LRP1B: variants seen among roughly 807,000 people sequenced by gnomAD.
LRP1B encodes the protein low-density lipoprotein receptor-related protein 1B.
Under a neutral mutation model 556.6 loss-of-function variants are expected in LRP1B, and 217 were observed. The ratio of observed to expected loss-of-function variants is 0.39; its 90% confidence interval spans 0.35 to 0.44. LRP1B has a LOEUF of 0.44. Ranked by LOEUF, LRP1B falls within the 20% of genes least tolerant of loss-of-function variation. The pLI is 1.00. For missense variants in LRP1B, 5,053 were observed against 5,620.8 expected (o/e 0.90, Z 3.23); for synonymous variants, 2,047 against 1,865.8 (o/e 1.10, Z -2.50).
intron 43 of LRP1B, among the ~76,000 whole-genome samples, chr2:140,573,075 C>CTATATATA (rs1681390357): frequency 6.6e-6 from 1 of 151,696 alleles, no homozygotes; most frequent in Non-Finnish European, 1.5e-5. Context: ...TTCTAGTGTT[C>CTATATATA]TATAGCACTG....
intron 1 of LRP1B, among the ~76,000 whole-genome samples, chr2:142,052,601 T>TC (rs1415004771): frequency 6.6e-6 from 1 of 152,090 alleles, no homozygotes; most frequent in East Asian, 1.9e-4. Context: ...GAAAAGTTCC[T>TC]CCCCCTCACG....
chr2:142,022,954 C>T (rs11899901), intron 1 of LRP1B, among the ~76,000 whole-genome samples: 2,581 of 152,234 alleles, frequency 0.017, 75 homozygotes, highest in African/African-American at 0.058. Flanking sequence ...GGATTACAGG[C>T]GTGAGCCAAC....
At chr2:141,879,380 C>T (rs979798724) in intron 1 of LRP1B, among the ~76,000 whole-genome samples, 3 of 151,958 alleles carry the variant, frequency 2.0e-5, no homozygotes, top group East Asian at 1.9e-4. Context: ...AAAACAAATG[C>T]ACTAGGAAAA....
At position 140,655,950 on chromosome 2, in the gene LRP1B, A is replaced by AT. The variant is rs1684866779; in HGVS notation, c.6799+44299_6799+44300insA. Among the ~76,000 whole-genome samples the AT allele has an allele frequency of 3.3e-5, 5 of 152,232 alleles. No individual in the cohort carries two copies. In the South Asian group the frequency reaches 1.0e-3, roughly 32 times the overall value. On this transcript the variant is annotated intron_variant, in intron 41 of 90. Coordinates refer to ENST00000389484, the MANE Select transcript of LRP1B (RefSeq NM_018557.3). ...AGGGTGAGACTCCGTCTCAAAAAAA[A>AT]CAAAAAAAGAATAGGCAGAGTATAC...
intron 70 of LRP1B, 37 bp downstream of exon 70, chr2:140,371,142 T>C (rs1258798885): frequency 1.1e-5 from 14 of 1,324,696 alleles, no homozygotes; most frequent in African/African-American, 1.5e-5. Flanking sequence ...ACCTAATTCA[T>C]GTAATTCAAA....
chr2:141,107,934 A>G (rs1242675763), intron 7 of LRP1B, among the ~76,000 whole-genome samples: 1 of 152,166 alleles, frequency 6.6e-6, no homozygotes, highest in Admixed American at 6.5e-5. Flanking sequence ...CACATTTTTA[A>G]TACACAGTTG....
At chr2:140,667,768 T>C (rs145199143) in intron 41 of LRP1B, among the ~76,000 whole-genome samples, 1,996 of 152,350 alleles carry the variant, frequency 0.013, 40 homozygotes, top group Middle Eastern at 0.065. Flanking sequence ...TCTCAGAATA[T>C]ACGCTTTTTT....
intron 9 of LRP1B, among the ~76,000 whole-genome samples, chr2:141,058,234 A>C (rs1406948531): frequency 2.0e-5 from 3 of 151,892 alleles, no homozygotes; most frequent in Non-Finnish European, 4.4e-5. Flanking sequence ...GTGATTAGAT[A>C]TATGTTAATG....
chr2:141,598,316 C>T (rs369469217), intron 2 of LRP1B, among the ~76,000 whole-genome samples: 2 of 151,824 alleles, frequency 1.3e-5, no homozygotes, highest in East Asian at 3.9e-4. Context: ...GTCTAAAAAG[C>T]TATAAAACCA....
At chr2:141,510,895 CA>C (rs1284964549) in intron 2 of LRP1B, among the ~76,000 whole-genome samples, 9 of 30,478 alleles carry the variant, frequency 3.0e-4, no homozygotes, top group African/African-American at 7.2e-4. Flanking sequence ...CACACACACA[CA>C]CACACACACA....
intron 2 of LRP1B, among the ~76,000 whole-genome samples, chr2:141,760,126 A>G (rs1305502701): frequency 6.7e-6 from 1 of 148,798 alleles, no homozygotes. Flanking sequence ...TACTTTTCAG[A>G]ATTGTTTCAA....
rs1682865982 is a variant in LRP1B at position 140,606,287 on chromosome 2, TA to T, written c.6800-4649del. On this transcript the variant is annotated intron_variant, in intron 41 of 90. Coordinates refer to ENST00000389484, the MANE Select transcript of LRP1B (RefSeq NM_018557.3). ...TATAATATAATTTTAAAATATAGAA[TA>T]CTTAGAAATAAGTTTAGCAAAATAA... 2.6e-5 allele frequency among the ~76,000 whole-genome samples: 4 copies of T among 151,830 alleles called. No individual in the cohort carries two copies. In the South Asian group the frequency reaches 8.3e-4, roughly 31 times the overall value.
At chr2:140,967,102 G>A (rs1573931943) in intron 18 of LRP1B, among the ~76,000 whole-genome samples, 1 of 152,182 alleles carries the variant, frequency 6.6e-6, no homozygotes, top group South Asian at 2.1e-4. Flanking sequence ...AGCTTGATGG[G>A]GATGGCATTA....
chr2:141,636,595 G>C (rs1269770825), intron 2 of LRP1B, among the ~76,000 whole-genome samples: 3 of 152,008 alleles, frequency 2.0e-5, no homozygotes, highest in African/African-American at 7.2e-5. Context: ...TTAATCTTGA[G>C]AAATCATCAC....
intron 1 of LRP1B, among the ~76,000 whole-genome samples, chr2:142,091,617 C>A (rs1194681527): frequency 6.6e-6 from 1 of 152,042 alleles, no homozygotes; most frequent in African/African-American, 2.4e-5. Context: ...TATGTGAAAA[C>A]CCCTATTAGT....
chr2:140,841,234 T>C (rs1367502591), intron 29 of LRP1B, 142 bp from the exon 30 acceptor site: 1 of 565,868 alleles, frequency 1.8e-6, no homozygotes, highest in African/African-American at 1.9e-5. Context: ...TGTAATCTCA[T>C]TCCCTTATCA....
intron 1 of LRP1B, among the ~76,000 whole-genome samples, chr2:142,072,975 A>G (rs1393134525): frequency 6.6e-6 from 1 of 152,018 alleles, no homozygotes; most frequent in Non-Finnish European, 1.5e-5. Flanking sequence ...ATCCTGTGAA[A>G]TTCTCTGCAA....
rs149683872 is a variant in LRP1B at position 141,407,939 on chromosome 2, A to C, written c.343+72457T>G. 2.9e-3 allele frequency among the ~76,000 whole-genome samples: 436 copies of C among 152,272 alleles called. 4 individuals carry two copies. The highest frequency in any genetic ancestry group is 9.9e-3 in the African/African-American group (413 of 41,572). On this transcript the variant is annotated intron_variant, in intron 3 of 90. Transcript: ENST00000389484. The stretch of plus-strand genomic sequence containing the variant: ...GAAAGCATATCACAGGAAAGTTTCT[A>C]AGTGAAATTCAGAGTAATGGCAGAA...
chr2:141,022,619 AGACT>A (rs143553736), intron 11 of LRP1B, among the ~76,000 whole-genome samples: 260 of 152,070 alleles, frequency 1.7e-3, no homozygotes, highest in African/African-American at 6.1e-3. Context: ...GTCCTGCCTG[AGACT>A]GACTAATAAT....
Sources: allele counts gnomAD v4.1 joint callset (sites outside exome capture counted in the v4.1 genomes callset), GRCh38; gene constraint gnomAD v4.1.1; transcripts MANE v1.5; gene names NCBI Gene and HGNC (gene_info 2026-07-23, HGNC 2026-07-21).